RABEP1: variants seen among roughly 807,000 people sequenced by gnomAD.
RABEP1 encodes rab GTPase-binding effector protein 1.
In RABEP1, 51 loss-of-function variants were observed where a neutral mutation model predicts 123.4. That is an observed-to-expected ratio of 0.41 (90% CI 0.33 to 0.52). The LOEUF (loss-of-function observed/expected upper bound fraction) is 0.52, where lower values mean the gene tolerates loss of function less well. Ranked by LOEUF, RABEP1 falls within the 20% of genes least tolerant of loss-of-function variation. The pLI is 0.16. For synonymous variants in RABEP1, 347 were observed against 355.2 expected, an observed-to-expected ratio of 0.98 and a Z score of 0.26; for missense variants, 888 against 996.3, an observed-to-expected ratio of 0.89 and a Z score of 1.46.
At chr17:5,294,601 T>G (rs1482922289) in intron 1 of RABEP1, among the ~76,000 whole-genome samples, 1 of 146,588 alleles carries the variant, frequency 6.8e-6, no homozygotes, top group Non-Finnish European at 1.5e-5. Context: ...TGGAACCAAT[T>G]TCCCTCAGAT....
At chr17:5,361,129 G>A (rs1182644722) in intron 8 of RABEP1, 79 bp from the exon 9 acceptor site, 16 of 1,223,182 alleles carry the variant, frequency 1.3e-5, no homozygotes, top group Middle Eastern at 2.0e-4. Flanking sequence ...AATGAGTGGC[G>A]GAATACATTT....
chr17:5,314,115 A>G (rs2075271202), intron 2 of RABEP1, among the ~76,000 whole-genome samples: 1 of 151,676 alleles, frequency 6.6e-6, no homozygotes, highest in South Asian at 2.1e-4. Flanking sequence ...CTTTTGCTTT[A>G]GTGTTGTCAT....
intron 12 of RABEP1, among the ~76,000 whole-genome samples, chr17:5,371,978 C>A (rs1054544193): frequency 6.6e-6 from 1 of 151,968 alleles, no homozygotes; most frequent in African/African-American, 2.4e-5. Flanking sequence ...TATGTGTGCC[C>A]TTAAGGTAAG....
rs1187502263 is a variant in RABEP1, at chr17:5,331,027, CTTTTTTTTTTT to C, written c.164-904_164-894del. ...CGACAATTGAGACCCTATCTCTTAA[CTTTTTTTTTTT>C]TTTTTTTTTTTTTTTTTAAAGAAAC... On this transcript the variant is annotated intron_variant, in intron 2 of 17. Transcript: ENST00000537505. 2.0e-4 allele frequency among the ~76,000 whole-genome samples: 17 copies of C among 87,060 alleles called. No homozygotes were observed. In the South Asian group the frequency reaches 2.3e-3, roughly 12 times the overall value. The allele number at this position is 87,060 out of a possible 152,430, so 57.1% of individuals were successfully genotyped here. A position where few individuals can be genotyped will look rare whatever the true frequency, so the allele number is the denominator to read the frequency against.
chr17:5,358,995 C>G (rs1238136701), intron 8 of RABEP1, among the ~76,000 whole-genome samples: 1 of 151,942 alleles, frequency 6.6e-6, no homozygotes, highest in Admixed American at 6.6e-5. Context: ...CTCCTGGGCT[C>G]AACCTATCCT....
chr17:5,330,456 A>G (rs921105726), intron 2 of RABEP1, among the ~76,000 whole-genome samples: 1 of 152,224 alleles, frequency 6.6e-6, no homozygotes, highest in Non-Finnish European at 1.5e-5. Context: ...CACAACGTTT[A>G]AAAGTTCTCT....
chr17:5,344,714 G>T (rs1327517754), intron 5 of RABEP1, among the ~76,000 whole-genome samples: 3 of 147,076 alleles, frequency 2.0e-5, no homozygotes, highest in African/African-American at 7.6e-5. Flanking sequence ...GGAGCTTGCA[G>T]TGTGCCGAGA....
At position 5,362,803 on chromosome 17, in the gene RABEP1, G is replaced by A. The variant is rs532036759; in HGVS notation, c.1564-109G>A. 1.1e-4 allele frequency: 77 copies of A among 723,224 alleles called. No individual in the cohort carries two copies. In the African/African-American group the frequency reaches 1.2e-3, roughly 11 times the overall value. The allele number at this position is 723,224 out of a possible 1,614,324, so 44.8% of individuals were successfully genotyped here. A position where few individuals can be genotyped will look rare whatever the true frequency, so the allele number is the denominator to read the frequency against. ...TTTGCCGTAAGGCCCTGAAGAAAGT[G>A]TTTACTGCATGTTCTACTGACTACC... On this transcript the variant is annotated intron_variant, in intron 9 of 17. Coordinates refer to ENST00000537505, the MANE Select transcript of RABEP1 (RefSeq NM_004703.6).
In RABEP1 at chr17:5,337,991, C is replaced by A; in HGVS notation, c.529-28C>A. On this transcript the variant is annotated intron_variant, in intron 4 of 17. Coordinates refer to ENST00000537505, the MANE Select transcript of RABEP1 (RefSeq NM_004703.6). ...TTAGAAAAGCAGTAAATGAATAAGT[C>A]GTAGCATTTAATTCTTTTTAACCAT... The A allele has an allele frequency of 1.9e-6, 3 of 1,585,548 alleles. No homozygotes were observed. In the South Asian group the frequency reaches 3.5e-5, roughly 19 times the overall value.
chr17:5,284,911 C>A (rs2074962956), intron 1 of RABEP1, among the ~76,000 whole-genome samples: 1 of 150,486 alleles, frequency 6.6e-6, no homozygotes, highest in South Asian at 2.1e-4. Context: ...AGATAACTAA[C>A]TGCTTAGTCT....
At chr17:5,347,663 G>GAA (rs544259530) in intron 6 of RABEP1, among the ~76,000 whole-genome samples, 218 of 152,226 alleles carry the variant, frequency 1.4e-3, no homozygotes, top group African/African-American at 4.8e-3. Context: ...CAGTGATACA[G>GAA]AAATTGACTC....
intron 15 of RABEP1, 111 bp from the exon 16 acceptor site, chr17:5,380,253 C>A: frequency 1.5e-6 from 1 of 668,250 alleles, no homozygotes; most frequent in Non-Finnish European, 2.5e-6. Context: ...GGAGTATTCC[C>A]AGTGTAGCCC....
At chr17:5,290,441 G>A (rs759212206) in intron 1 of RABEP1, among the ~76,000 whole-genome samples, 6 of 152,202 alleles carry the variant, frequency 3.9e-5, no homozygotes, top group South Asian at 2.1e-4. Flanking sequence ...GAATGAGTAC[G>A]TTAAGTGCAC....
intron 8 of RABEP1, among the ~76,000 whole-genome samples, chr17:5,357,353 A>G (rs760808457): frequency 6.6e-6 from 1 of 151,944 alleles, no homozygotes; most frequent in Non-Finnish European, 1.5e-5. Flanking sequence ...CTTTTAACCA[A>G]TTCCCTACTA....
intron 3 of RABEP1, among the ~76,000 whole-genome samples, chr17:5,332,783 T>G (rs1284720896): frequency 6.6e-6 from 1 of 151,908 alleles, no homozygotes; most frequent in Non-Finnish European, 1.5e-5. Context: ...TAATTTTGTA[T>G]TTTTAGTAGA....
At position 5,338,129 on chromosome 17, in the gene RABEP1, G is replaced by C; in HGVS notation, c.639G>C (p.Glu213Asp). 1 of 1,612,012 alleles carries C rather than the reference G, an allele frequency of 6.2e-7. No homozygotes were observed. Among genetic ancestry groups the C allele is most frequent in the Non-Finnish European group, 8.5e-7 (1 of 1,179,060 alleles). The change falls in exon 5 of 18, where the codon GAG becomes GAC. Residue 213 changes from glutamate to aspartate, a missense_variant. Transcript: ENST00000537505. ...TEAEDKIKEL[E>D]ASKVKELNHY... The stretch of plus-strand genomic sequence containing the variant: ...CTGAAGACAAAATTAAAGAGCTGGA[G>C]GCCTCAAAGGTTATGAAACATTGTA...
At position 5,352,437 on chromosome 17, in the gene RABEP1, C is replaced by T. The variant is rs554272574; in HGVS notation, c.963+1808C>T. ...CAAACTCCTGACCTCAAGTTATCTG[C>T]CCGTCTCGGCCTCCCAAAGTGCTGG... On this transcript the variant is annotated intron_variant, in intron 7 of 17. Transcript: ENST00000537505. Among the ~76,000 whole-genome samples the T allele has an allele frequency of 5.9e-5, 9 of 151,642 alleles. No homozygotes were observed. In the South Asian group the frequency reaches 1.7e-3, roughly 28 times the overall value.
At chr17:5,302,057 C>G (rs1490867699) in intron 1 of RABEP1, among the ~76,000 whole-genome samples, 5 of 151,984 alleles carry the variant, frequency 3.3e-5, no homozygotes, top group Admixed American at 1.3e-4. Flanking sequence ...TTATGTGGAA[C>G]TTTGACTAAG....
intron 1 of RABEP1, among the ~76,000 whole-genome samples, chr17:5,295,228 A>G (rs1007951769): frequency 3.3e-5 from 5 of 151,676 alleles, no homozygotes; most frequent in African/African-American, 1.2e-4. Context: ...CTAAAAAAAA[A>G]TAACAAAAAT....
Sources: gnomAD v4.1 joint callset for allele counts (sites outside exome capture counted in the v4.1 genomes callset) on GRCh38, gnomAD v4.1.1 for gene constraint, MANE v1.5 for transcripts, NCBI Gene and HGNC (gene_info 2026-07-23, HGNC 2026-07-21) for gene names.